The following CDYL2 variants were observed in gnomAD, a reference collection of about 807,000 sequenced individuals.
CDYL2 encodes chromodomain Y-like protein 2.
A neutral mutation model predicts 49.4 loss-of-function variants in CDYL2; 23 were observed. The ratio of observed to expected loss-of-function variants is 0.47; its 90% confidence interval spans 0.34 to 0.66. The LOEUF is 0.66. Ranked by LOEUF, CDYL2 falls within the 30% of genes least tolerant of loss-of-function variation. The probability of loss-of-function intolerance (pLI) is 0.01; values close to 1 mark genes in which losing one functional copy is unlikely to be tolerated. For missense variants in CDYL2, 678 were observed against 656.4 expected (o/e 1.03, Z -0.36); for synonymous variants, 360 against 268.8 (o/e 1.34, Z -3.32).
At chr16:80,708,516 G>C (rs1447012239) in intron 1 of CDYL2, among the ~76,000 whole-genome samples, 1 of 152,118 alleles carries the variant, frequency 6.6e-6, no homozygotes, top group African/African-American at 2.4e-5. Flanking sequence ...GGCTTTACTA[G>C]CAGTTATGAG....
Position 80,612,108 on chromosome 16 carries a change from T to A in CDYL2, c.1218+518A>T, listed in dbSNP as rs1567539433. Among the ~76,000 whole-genome samples the A allele has an allele frequency of 6.6e-6, 1 of 152,224 alleles. No homozygotes were observed. Among genetic ancestry groups the A allele is most frequent in the Non-Finnish European group, 1.5e-5 (1 of 68,034 alleles). On this transcript the variant is annotated intron_variant, in intron 5 of 6. Transcript: ENST00000570137. The surrounding 1 kb of genome is among the most constrained non-coding windows in gnomAD (Gnocchi z 5.0). ...GCGCATGTGACCAGAAGCTGAGTCA[T>A]GGCCAATACCACATGAGTGGAGGGG...
chr16:80,803,894 T>G, intron 1 of CDYL2, among the ~76,000 whole-genome samples: 1 of 143,490 alleles, frequency 7.0e-6, no homozygotes, highest in African/African-American at 2.5e-5. Context: ...GCAAAGTAGA[T>G]GGAGTAAGAG....
At chr16:80,792,277 C>A (rs752576561) in intron 1 of CDYL2, among the ~76,000 whole-genome samples, 39 of 152,098 alleles carry the variant, frequency 2.6e-4, no homozygotes, top group Non-Finnish European at 5.4e-4. Context: ...ACAGAAGAAC[C>A]CTGGGACAAA....
At chr16:80,679,545 C>A (rs1909890921) in intron 2 of CDYL2, among the ~76,000 whole-genome samples, 1 of 152,212 alleles carries the variant, frequency 6.6e-6, no homozygotes, top group Admixed American at 6.5e-5. Flanking sequence ...AGAAAAACTA[C>A]CTCTCACGAC....
intron 2 of CDYL2, among the ~76,000 whole-genome samples, chr16:80,667,112 T>C (rs1909299351): frequency 6.6e-6 from 1 of 152,164 alleles, no homozygotes; most frequent in Admixed American, 6.5e-5. Flanking sequence ...ATGGGGGAAT[T>C]GCTGCTTGAG....
chr16:80,713,896 T>C (rs1345796230), intron 1 of CDYL2, among the ~76,000 whole-genome samples: 1 of 152,066 alleles, frequency 6.6e-6, no homozygotes, highest in Non-Finnish European at 1.5e-5. Context: ...ACCGACAACA[T>C]AGCTCAGGCC....
intron 1 of CDYL2, among the ~76,000 whole-genome samples, chr16:80,754,201 C>G (rs1480952242): frequency 6.6e-6 from 1 of 152,166 alleles, no homozygotes; most frequent in Admixed American, 6.5e-5. Context: ...GTTAGAGAGA[C>G]AAACTAATCA....
At chr16:80,762,808 C>T (rs767750641) in intron 1 of CDYL2, among the ~76,000 whole-genome samples, 30 of 152,108 alleles carry the variant, frequency 2.0e-4, no homozygotes, top group Non-Finnish European at 4.1e-4. Context: ...GAGACGTGTC[C>T]TTTCTGCTCC....
intron 1 of CDYL2, among the ~76,000 whole-genome samples, chr16:80,794,509 T>A (rs1907707681): frequency 6.6e-6 from 1 of 151,872 alleles, no homozygotes; most frequent in Admixed American, 6.6e-5. Flanking sequence ...GCTGCACCTT[T>A]TAACATATGG....
chr16:80,730,811 G>A (rs930628486), intron 1 of CDYL2, among the ~76,000 whole-genome samples: 1 of 152,168 alleles, frequency 6.6e-6, no homozygotes, highest in Non-Finnish European at 1.5e-5. Context: ...CAAGAACATG[G>A]ATGAATCTCA....
intron 2 of CDYL2, 84 bp downstream of exon 2, chr16:80,684,453 GT>G (rs1235229836): frequency 3.4e-5 from 42 of 1,248,604 alleles, no homozygotes; most frequent in Non-Finnish European, 3.2e-5. Flanking sequence ...GGAGGTGGGG[GT>G]CTTATGTATG....
intron 2 of CDYL2, among the ~76,000 whole-genome samples, chr16:80,643,454 C>T (rs1187559385): frequency 6.6e-6 from 1 of 152,214 alleles, no homozygotes; most frequent in Non-Finnish European, 1.5e-5. Context: ...TCTCACAGCT[C>T]CACTAGGCGG....
intron 1 of CDYL2, among the ~76,000 whole-genome samples, chr16:80,700,703 TG>T (rs1274736882): frequency 3.3e-5 from 5 of 152,204 alleles, no homozygotes; most frequent in Admixed American, 3.3e-4. Context: ...CATATGTAAA[TG>T]GATATACCCT....
chr16:80,801,218 T>TG (rs1360896677), intron 1 of CDYL2, among the ~76,000 whole-genome samples: 1 of 152,206 alleles, frequency 6.6e-6, no homozygotes, highest in Non-Finnish European at 1.5e-5. Flanking sequence ...CTATAAGTGA[T>TG]GGCTACAATG....
intron 2 of CDYL2, among the ~76,000 whole-genome samples, chr16:80,667,832 C>T (rs936641289): frequency 3.3e-5 from 5 of 152,196 alleles, no homozygotes; most frequent in Non-Finnish European, 7.3e-5. Context: ...ACCCCCAACC[C>T]GTGAGGTATG....
intron 1 of CDYL2, among the ~76,000 whole-genome samples, chr16:80,693,059 CAGA>C (rs1567573634): frequency 7.3e-6 from 1 of 136,150 alleles, no homozygotes; most frequent in East Asian, 2.2e-4. Context: ...GGGCCAGACT[CAGA>C]AGACTACATG....
intron 1 of CDYL2, among the ~76,000 whole-genome samples, chr16:80,799,151 T>A (rs886067031): frequency 1.3e-5 from 2 of 152,134 alleles, no homozygotes; most frequent in Non-Finnish European, 2.9e-5. Context: ...CCTACTTTTG[T>A]AACTACCCCC....
At position 80,602,725 on chromosome 16, in the gene CDYL2, C is replaced by T. The variant is rs1175477023; in HGVS notation, c.*1663G>A. On this transcript the variant is annotated 3_prime_UTR_variant, in exon 7 of 7. Coordinates refer to ENST00000570137, the MANE Select transcript of CDYL2 (RefSeq NM_152342.4). ...AGGGCCAAGAAAGGCTGGTGCCCAACAGGAAAGGGGAAGAAGGGGAGGGCC... is the reference window on the plus strand; with the variant it reads ...AGGGCCAAGAAAGGCTGGTGCCCAATAGGAAAGGGGAAGAAGGGGAGGGCC... 1 of 152,192 alleles carries T rather than the reference C, an allele frequency of 6.6e-6. No individual in the cohort carries two copies. The highest frequency in any genetic ancestry group is 1.5e-5 in the Non-Finnish European group (1 of 68,084). The allele number at this position is 152,192 out of a possible 1,614,324, so 9.4% of individuals were successfully genotyped here.
intron 2 of CDYL2, among the ~76,000 whole-genome samples, chr16:80,665,682 G>C (rs2142442338): frequency 6.6e-6 from 1 of 152,222 alleles, no homozygotes; most frequent in South Asian, 2.1e-4. Flanking sequence ...ATCGGGAAAG[G>C]AGATGAAGAT....
Sources: allele counts gnomAD v4.1 joint callset (sites outside exome capture counted in the v4.1 genomes callset), GRCh38; gene constraint gnomAD v4.1.1; non-coding constraint Gnocchi (gnomAD v3.1); transcripts MANE v1.5; gene names NCBI Gene and HGNC (gene_info 2026-07-23, HGNC 2026-07-21).